The following NBPF12 variants were observed in gnomAD, a reference collection of about 807,000 sequenced individuals.
NBPF12 encodes the protein NBPF member 12.
A neutral mutation model predicts 146.4 loss-of-function variants in NBPF12; 115 were observed. The observed-to-expected ratio is 0.79, with a 90% CI of 0.68 to 0.92. The LOEUF is 0.92. Among genes scored for constraint, NBPF12 ranks in the 40% least tolerant of loss-of-function variants. The probability of loss-of-function intolerance (pLI) is 0.00; values close to 1 mark genes in which losing one functional copy is unlikely to be tolerated. For synonymous variants in NBPF12, 385 were observed against 508.9 expected (o/e 0.76, Z 3.28); for missense variants, 1,205 against 1,326.8 (o/e 0.91, Z 1.43).
intron 4 of NBPF12, among the ~76,000 whole-genome samples, chr1:146,961,634 T>C (rs1250319705): frequency 0.027 from 4,181 of 152,198 alleles, 78 homozygotes; most frequent in Non-Finnish European, 0.044. Flanking sequence ...TATTTTCTTA[T>C]GTCTCACACT....
At chr1:146,981,548 C>T (rs1290456569) in intron 19 of NBPF12, among the ~76,000 whole-genome samples, 2 of 151,416 alleles carry the variant, frequency 1.3e-5, no homozygotes, top group African/African-American at 2.4e-5. Context: ...TTGCTCTTCT[C>T]GAGGAGTATC....
At chr1:146,943,732 A>C (rs879048934) in intron 2 of NBPF12, among the ~76,000 whole-genome samples, 170 bp downstream of exon 2, 1 of 151,926 alleles carries the variant, frequency 6.6e-6, no homozygotes, top group East Asian at 1.9e-4. Flanking sequence ...TATTCACAGC[A>C]TGTGCCACCC....
At chr1:146,957,527 C>G (rs2101836757) in intron 2 of NBPF12, 1 of 174,464 alleles carries the variant, frequency 5.7e-6, no homozygotes, top group South Asian at 1.7e-4. Context: ...TCTTTGCCAA[C>G]CAGGGCACCA....
intron 10 of NBPF12, among the ~76,000 whole-genome samples, chr1:146,968,850 C>G (rs1158032525): frequency 1.3e-5 from 2 of 151,356 alleles, no homozygotes; most frequent in Admixed American, 6.6e-5. Context: ...TCAGTATACT[C>G]AAAATGGTGT....
intron 1 of NBPF12, among the ~76,000 whole-genome samples, chr1:146,950,798 T>C (rs1443715521): frequency 6.6e-6 from 1 of 152,122 alleles, no homozygotes; most frequent in Non-Finnish European, 1.5e-5. Flanking sequence ...AATACAAGAA[T>C]GTATCCATTC....
At chr1:146,975,246 TG>T (rs1273508507) in intron 15 of NBPF12, among the ~76,000 whole-genome samples, 4 of 135,578 alleles carry the variant, frequency 3.0e-5, no homozygotes, top group Non-Finnish European at 4.6e-5. Flanking sequence ...TTCTCGACCC[TG>T]TCATTCTTTT....
chr1:146,976,390 C>T (rs1471075916), intron 16 of NBPF12, among the ~76,000 whole-genome samples: 1 of 134,192 alleles, frequency 7.5e-6, no homozygotes, highest in Non-Finnish European at 1.5e-5. Context: ...AAGCCCCTCT[C>T]CGTGTGGTGT....
At chr1:146,962,112 C>A in intron 4 of NBPF12, 49 bp from the exon 8 acceptor site, 1 of 1,587,924 alleles carries the variant, frequency 6.3e-7, no homozygotes. Flanking sequence ...GTGACCACAG[C>A]AGCATGTCCA....
intron 2 of NBPF12, among the ~76,000 whole-genome samples, chr1:146,955,082 AGACTT>A (rs1366696943): frequency 1.9e-5 from 2 of 105,256 alleles, no homozygotes; most frequent in African/African-American, 7.0e-5. Flanking sequence ...ATTTCTCAAA[AGACTT>A]GAATAGATAC....
chr1:146,963,708 C>G (rs1393238759), intron 6 of NBPF12, among the ~76,000 whole-genome samples: 2 of 150,910 alleles, frequency 1.3e-5, no homozygotes, highest in Non-Finnish European at 2.9e-5. Flanking sequence ...GAGTTTCTCT[C>G]TCTCCATCTG....
intron 6 of NBPF12, 47 bp downstream of exon 9, chr1:146,963,356 G>C: frequency 1.3e-6 from 2 of 1,588,992 alleles, no homozygotes; most frequent in South Asian, 2.2e-5. Flanking sequence ...AGGCTTATGA[G>C]AGGCTCCAGA....
At chr1:146,992,450 C>G (rs1270057943) in intron 31 of NBPF12, among the ~76,000 whole-genome samples, 4 of 101,450 alleles carry the variant, frequency 3.9e-5, no homozygotes, top group Non-Finnish European at 7.6e-5. Flanking sequence ...CTCTCTCTCT[C>G]TCTCTCTCTC....
chr1:146,945,872 A>T (rs1317438089), upstream of NBPF12, among the ~76,000 whole-genome samples: 1 of 151,974 alleles, frequency 6.6e-6, no homozygotes, highest in Non-Finnish European at 1.5e-5. Flanking sequence ...GCAATTACGT[A>T]ATGTCCTAAA....
At chr1:146,942,186 C>T (rs1265075295) in intron 1 of NBPF12, among the ~76,000 whole-genome samples, 2 of 151,662 alleles carry the variant, frequency 1.3e-5, no homozygotes, top group Non-Finnish European at 2.9e-5. Context: ...ACAGGGTCTT[C>T]CTATGGTGCC....
chr1:146,971,210 A>T, exon 13 of NBPF12: 1 of 1,611,832 alleles, frequency 6.2e-7, no homozygotes, highest in South Asian at 1.1e-5. Context: ...AAGAAAGCAA[A>T]GTCCCTGAGG....
chr1:146,987,626 C>T (rs2101918657), intron 25 of NBPF12, among the ~76,000 whole-genome samples: 1 of 152,174 alleles, frequency 6.6e-6, no homozygotes, highest in African/African-American at 2.4e-5. Flanking sequence ...TCAGAGTGTC[C>T]TGTTACTCCC....
intron 1 of NBPF12, among the ~76,000 whole-genome samples, chr1:146,942,891 A>G (rs1553882965): frequency 0.046 from 6,860 of 149,614 alleles, 226 homozygotes; most frequent in Middle Eastern, 0.12. Context: ...TCCTTACTTT[A>G]TGAAAACTTC....
In NBPF12 at chr1:146,963,653, T is replaced by C. The variant is rs1164603828; in HGVS notation, c.493+344T>C. Among the ~76,000 whole-genome samples, 119 of 152,034 alleles carry C rather than the reference T, an allele frequency of 7.8e-4. 3 individuals carry two copies. The highest frequency in any genetic ancestry group is 2.9e-3 in the African/African-American group (119 of 41,356). On this transcript the variant is annotated intron_variant, in intron 6 of 33. Coordinates refer to ENST00000617844, the Ensembl canonical transcript of NBPF12. ...GAATGAAGGTTCCCAGGCTGTCTTTTTGGCAATGTTCTTAGTGTCGGTGAG... is the reference window on the plus strand; with the variant it reads ...GAATGAAGGTTCCCAGGCTGTCTTTCTGGCAATGTTCTTAGTGTCGGTGAG...
At position 146,971,413 on chromosome 1, in the gene NBPF12, G is replaced by A. The variant is rs1553886439; in HGVS notation, c.1591+19G>A. 6 of 1,594,344 alleles carry A rather than the reference G, an allele frequency of 3.8e-6. No individual in the cohort carries two copies. The highest frequency in any genetic ancestry group is 4.3e-6 in the Non-Finnish European group (5 of 1,165,664). ...CTCCCAGGTAGCCTCTATTTTCCTT[G>A]TGTCTCATACCTCTGTCTAGGCTAT... On this transcript the variant is annotated intron_variant, in intron 13 of 33. Coordinates refer to ENST00000617844, the Ensembl canonical transcript of NBPF12.
Sources: allele counts gnomAD v4.1 joint callset (sites outside exome capture counted in the v4.1 genomes callset), GRCh38; gene constraint gnomAD v4.1.1; transcripts MANE v1.5; gene names NCBI Gene and HGNC (gene_info 2026-07-23, HGNC 2026-07-21).